Variants in ERBB4 observed in about 807,000 individuals in gnomAD.
The protein encoded by ERBB4 is receptor tyrosine-protein kinase erbB-4.
Under a neutral mutation model 158.0 loss-of-function variants are expected in ERBB4, and 42 were observed. That is an observed-to-expected ratio of 0.27 (90% CI 0.21 to 0.34). ERBB4 has a LOEUF of 0.34. ERBB4 is among the 10% of genes least tolerant of loss of function. The pLI is 1.00. For synonymous variants in ERBB4, 583 were observed against 558.7 expected (o/e 1.04, Z -0.61); for missense variants, 1,333 against 1,624.1 (o/e 0.82, Z 3.08).
chr2:212,330,734 C>T (rs67837987), intron 1 of ERBB4, among the ~76,000 whole-genome samples: 18,693 of 151,882 alleles, frequency 0.12, 1,534 homozygotes, highest in African/African-American at 0.23. Context: ...TGTATTCCTA[C>T]ACTAAATGCA....
chr2:211,871,032 C>A (rs2078330760), intron 3 of ERBB4, among the ~76,000 whole-genome samples: 1 of 152,154 alleles, frequency 6.6e-6, no homozygotes, highest in Non-Finnish European at 1.5e-5. Flanking sequence ...AGTGTCACAT[C>A]ATCATGTGAT....
At chr2:212,019,256 C>T (rs1380041205) in intron 2 of ERBB4, among the ~76,000 whole-genome samples, 1 of 152,132 alleles carries the variant, frequency 6.6e-6, no homozygotes, top group Non-Finnish European at 1.5e-5. Context: ...ATGATGCGCC[C>T]TTATTATATA....
At chr2:212,292,184 C>T (rs1037138284) in intron 1 of ERBB4, among the ~76,000 whole-genome samples, 8 of 151,730 alleles carry the variant, frequency 5.3e-5, no homozygotes, top group Non-Finnish European at 1.2e-4. Context: ...GATTTCTAGC[C>T]GCCAAAAATG....
chr2:212,154,911 T>A (rs1397153110), intron 1 of ERBB4, among the ~76,000 whole-genome samples: 3 of 152,160 alleles, frequency 2.0e-5, no homozygotes, highest in African/African-American at 7.2e-5. Context: ...ATAACAATTA[T>A]CTTCTGCAGA....
chr2:211,627,555 G>T (rs941940605), intron 17 of ERBB4, among the ~76,000 whole-genome samples: 1 of 152,134 alleles, frequency 6.6e-6, no homozygotes. Flanking sequence ...TTTGATTTCT[G>T]GGTAAAAAGA....
intron 1 of ERBB4, among the ~76,000 whole-genome samples, chr2:212,270,701 T>A (rs2085309800): frequency 1.3e-5 from 2 of 151,770 alleles, no homozygotes; most frequent in South Asian, 4.1e-4. Context: ...ACAAGTCTGA[T>A]TTCCCTGAGG....
chr2:212,283,579 T>G (rs1376530322), intron 1 of ERBB4, among the ~76,000 whole-genome samples: 1 of 151,998 alleles, frequency 6.6e-6, no homozygotes, highest in East Asian at 1.9e-4. Flanking sequence ...CCTAAAATAT[T>G]CATTAAGTTT....
intron 20 of ERBB4, among the ~76,000 whole-genome samples, chr2:211,436,983 A>G (rs2063868823): frequency 1.3e-5 from 2 of 152,192 alleles, no homozygotes; most frequent in Admixed American, 6.5e-5. Context: ...TGGGTTAATA[A>G]TGCTTTCTAT....
intron 1 of ERBB4, among the ~76,000 whole-genome samples, chr2:212,532,538 A>C (rs2106346491): frequency 6.6e-6 from 1 of 152,376 alleles, no homozygotes; most frequent in East Asian, 1.9e-4. Context: ...TAATTAATTG[A>C]ATTATTAAAA....
At chr2:211,629,222 A>G (rs1457401319) in intron 17 of ERBB4, among the ~76,000 whole-genome samples, 1 of 152,194 alleles carries the variant, frequency 6.6e-6, no homozygotes, top group African/African-American at 2.4e-5. Context: ...ATCAATGTGC[A>G]AAAATCACAA....
rs141203553 is a variant in ERBB4 at position 211,526,277 on chromosome 2, A to G, written c.2487+35626T>C. Among the ~76,000 whole-genome samples the G allele has an allele frequency of 5.8e-4, 89 of 152,254 alleles. 2 individuals are homozygous for G. The East Asian group carries it at 0.012, about 21-fold the overall frequency. On this transcript the variant is annotated intron_variant, in intron 20 of 27. Transcript: ENST00000342788. ...GAGAGACTCCATTTTCTTGGGAGACAGTAAGACAAAAAACAAGAGTCTCTG... is the reference window on the plus strand; with the variant it reads ...GAGAGACTCCATTTTCTTGGGAGACGGTAAGACAAAAAACAAGAGTCTCTG...
chr2:211,698,397 A>G (rs1009043962), intron 12 of ERBB4, among the ~76,000 whole-genome samples: 8 of 151,824 alleles, frequency 5.3e-5, no homozygotes, highest in African/African-American at 1.5e-4. Context: ...TATATTAAGT[A>G]TAAGATATAG....
At chr2:211,427,564 G>GTAGTT (rs2063656312) in intron 22 of ERBB4, among the ~76,000 whole-genome samples, 1 of 152,012 alleles carries the variant, frequency 6.6e-6, no homozygotes, top group Admixed American at 6.6e-5. Context: ...AACTCCACAA[G>GTAGTT]TAGTTTGTAA....
At chr2:212,023,174 T>A (rs1199705284) in intron 2 of ERBB4, among the ~76,000 whole-genome samples, 1 of 152,108 alleles carries the variant, frequency 6.6e-6, no homozygotes, top group Non-Finnish European at 1.5e-5. Context: ...TGAGCCATTA[T>A]ACAACTCAAG....
intron 9 of ERBB4, among the ~76,000 whole-genome samples, chr2:211,708,145 G>A (rs1359623596): frequency 1.3e-5 from 2 of 151,580 alleles, no homozygotes; most frequent in Non-Finnish European, 2.9e-5. Context: ...GACCACACTT[G>A]TATCTATACA....
chr2:212,422,434 G>A (rs1349800388), intron 1 of ERBB4, among the ~76,000 whole-genome samples: 2 of 151,956 alleles, frequency 1.3e-5, no homozygotes, highest in Non-Finnish European at 2.9e-5. Context: ...GGAGGCAGAG[G>A]TTGCAGCGAG....
At chr2:211,901,108 A>G (rs1234045801) in intron 3 of ERBB4, among the ~76,000 whole-genome samples, 1 of 152,180 alleles carries the variant, frequency 6.6e-6, no homozygotes, top group East Asian at 1.9e-4. Context: ...ATGTAAATAA[A>G]TGATGATGGT....
chr2:211,991,847 T>C (rs2082081423), intron 2 of ERBB4, among the ~76,000 whole-genome samples: 1 of 152,102 alleles, frequency 6.6e-6, no homozygotes, highest in African/African-American at 2.4e-5. Context: ...TTCGGCTGAG[T>C]TGGTGTCTGT....
chr2:211,458,322 A>C (rs1225774182), intron 20 of ERBB4, among the ~76,000 whole-genome samples: 4 of 151,350 alleles, frequency 2.6e-5, no homozygotes, highest in Non-Finnish European at 5.9e-5. Context: ...GCTGGAGTGC[A>C]GTGGTGTGAT....
Sources: gnomAD v4.1 joint callset for allele counts (sites outside exome capture counted in the v4.1 genomes callset) on GRCh38, gnomAD v4.1.1 for gene constraint, MANE v1.5 for transcripts, NCBI Gene and HGNC (gene_info 2026-07-23, HGNC 2026-07-21) for gene names.